Variants in TFAP2D observed in about 807,000 individuals in gnomAD.
TFAP2D encodes transcription factor AP-2-delta.
Under a neutral mutation model 43.6 loss-of-function variants are expected in TFAP2D, and 9 were observed. The ratio of observed to expected loss-of-function variants is 0.21; its 90% CI spans 0.12 to 0.36. TFAP2D has a LOEUF of 0.36. TFAP2D is among the 10% of genes least tolerant of loss of function. The pLI, the probability that TFAP2D is intolerant of heterozygous loss-of-function variation, is 1.00. For synonymous variants in TFAP2D, 256 were observed against 224.9 expected (o/e 1.14, Z -1.24); for missense variants, 513 against 561.4 (o/e 0.91, Z 0.87).
chr6:50,743,462 G>C (rs1250710989), intron 5 of TFAP2D, among the ~76,000 whole-genome samples: 1 of 151,962 alleles, frequency 6.6e-6, no homozygotes, highest in Non-Finnish European at 1.5e-5. Flanking sequence ...GCTCACTACA[G>C]TCTCAACTTC....
At chr6:50,764,833 A>G (rs1769419978) in intron 7 of TFAP2D, among the ~76,000 whole-genome samples, 1 of 152,206 alleles carries the variant, frequency 6.6e-6, no homozygotes, top group African/African-American at 2.4e-5. Flanking sequence ...GATGCAGGAT[A>G]TGATGATTTG....
At chr6:50,734,901 A>G (rs969917706) in intron 5 of TFAP2D, among the ~76,000 whole-genome samples, 2 of 152,132 alleles carry the variant, frequency 1.3e-5, no homozygotes, top group African/African-American at 4.8e-5. Context: ...CATTTGCACA[A>G]TAGGCCCCTC....
At chr6:50,759,344 G>A (rs1033813554) in intron 7 of TFAP2D, among the ~76,000 whole-genome samples, 2 of 151,990 alleles carry the variant, frequency 1.3e-5, no homozygotes, top group African/African-American at 4.8e-5. Flanking sequence ...CATTGCACCC[G>A]TGTGACCTCT....
intron 7 of TFAP2D, among the ~76,000 whole-genome samples, chr6:50,769,945 A>G (rs1769501255): frequency 6.6e-6 from 1 of 152,228 alleles, no homozygotes; most frequent in Non-Finnish European, 1.5e-5. Flanking sequence ...ATTAACTTCA[A>G]TAATACCCTG....
intron 3 of TFAP2D, among the ~76,000 whole-genome samples, chr6:50,719,887 G>C (rs1310437202): frequency 6.6e-6 from 1 of 152,186 alleles, no homozygotes; most frequent in Non-Finnish European, 1.5e-5. Flanking sequence ...GTTGCTTTCA[G>C]CTCGGGCACT....
At chr6:50,750,459 A>G (rs1769185513) in intron 6 of TFAP2D, among the ~76,000 whole-genome samples, 1 of 152,016 alleles carries the variant, frequency 6.6e-6, no homozygotes, top group Admixed American at 6.6e-5. Context: ...AAAAACAAAA[A>G]CAATATCTCT....
chr6:50,735,399 G>C (rs777544394), intron 5 of TFAP2D, among the ~76,000 whole-genome samples: 1 of 152,112 alleles, frequency 6.6e-6, no homozygotes, highest in South Asian at 2.1e-4. Flanking sequence ...ACGTTAGATT[G>C]GTCCTCCCCT....
chr6:50,759,102 C>T (rs1420851429), intron 7 of TFAP2D, among the ~76,000 whole-genome samples: 1 of 152,012 alleles, frequency 6.6e-6, no homozygotes, highest in Non-Finnish European at 1.5e-5. Context: ...AAGTTGCAAA[C>T]ATGACCCTGT....
chr6:50,752,932 G>C (rs557057859), intron 7 of TFAP2D, among the ~76,000 whole-genome samples: 9 of 151,748 alleles, frequency 5.9e-5, no homozygotes, highest in Non-Finnish European at 8.8e-5. Context: ...AATGGGATAA[G>C]AGCCCCTTCA....
At chr6:50,732,744 T>C (rs1225243565) in intron 5 of TFAP2D, among the ~76,000 whole-genome samples, 1 of 152,066 alleles carries the variant, frequency 6.6e-6, no homozygotes, top group Non-Finnish European at 1.5e-5. Context: ...ATGATGGGGA[T>C]TCAAATTAGC....
chr6:50,715,471 G>A lies in TFAP2D; in HGVS notation c.395G>A (p.Arg132Gln). 1 of 1,613,960 alleles carries A rather than the reference G, an allele frequency of 6.2e-7. No homozygotes were observed. The highest frequency in any genetic ancestry group is 8.5e-7 in the Non-Finnish European group (1 of 1,180,028). ...TCGTCCTGCCTGGACGAGCAGAGGCGGGAGCTGGGCTGCCTCGATGCCTAC... is the reference window on the plus strand; with the variant it reads ...TCGTCCTGCCTGGACGAGCAGAGGCAGGAGCTGGGCTGCCTCGATGCCTAC... ...LKSSCLDEQR[R>Q]ELGCLDAYRR... Residue 132 changes from arginine (R) to glutamine (Q), a missense_variant, in exon 2 of 8, where the codon CGG (arginine) becomes CAG (glutamine). This residue lies in a region of TFAP2D where 311 missense variants were observed against 316.2 expected (regional missense o/e 0.98). Coordinates refer to ENST00000008391, the MANE Select transcript of TFAP2D (RefSeq NM_172238.4).
chr6:50,716,135 A>C (rs1179172156), intron 2 of TFAP2D, among the ~76,000 whole-genome samples: 1 of 152,090 alleles, frequency 6.6e-6, no homozygotes, highest in African/African-American at 2.4e-5. Flanking sequence ...GTTCTAAGGA[A>C]ATTGTTGGGA....
chr6:50,766,600 G>C (rs1328252528), intron 7 of TFAP2D, among the ~76,000 whole-genome samples: 1 of 139,332 alleles, frequency 7.2e-6, no homozygotes, highest in Admixed American at 7.3e-5. Flanking sequence ...TTATTCCTAA[G>C]TATTTTATTC....
chr6:50,752,691 A>C (rs1369651486), intron 7 of TFAP2D, among the ~76,000 whole-genome samples: 5 of 151,890 alleles, frequency 3.3e-5, no homozygotes, highest in African/African-American at 1.2e-4. Flanking sequence ...TCTTCCAAAA[A>C]TGCACAAAAT....
At chr6:50,716,644 C>T (rs1035430169) in intron 2 of TFAP2D, among the ~76,000 whole-genome samples, 3 of 152,190 alleles carry the variant, frequency 2.0e-5, no homozygotes, top group Non-Finnish European at 4.4e-5. Context: ...ATATTTCAAA[C>T]AAATGAGCCC....
chr6:50,732,312 C>T (rs1347943575), intron 5 of TFAP2D, among the ~76,000 whole-genome samples: 2 of 151,960 alleles, frequency 1.3e-5, no homozygotes, highest in African/African-American at 4.8e-5. Context: ...ATTTTAATTA[C>T]CAACAGTTAG....
At chr6:50,747,305 A>T (rs1166931798) in intron 6 of TFAP2D, among the ~76,000 whole-genome samples, 1 of 152,172 alleles carries the variant, frequency 6.6e-6, no homozygotes, top group East Asian at 1.9e-4. Flanking sequence ...CTTGTTACAG[A>T]TCAAGAGAAT....
At chr6:50,742,994 C>CACACACACACACACACACAT (rs957070816) in intron 5 of TFAP2D, among the ~76,000 whole-genome samples, 3 of 147,446 alleles carry the variant, frequency 2.0e-5, no homozygotes, top group Non-Finnish European at 3.0e-5. Flanking sequence ...CACACACACA[C>CACACACACACACACACACAT]ATCTTTGTGC....
rs748437540 is a variant in TFAP2D at position 50,713,870 on chromosome 6, G to A, written c.-186G>A. 2.4e-6 allele frequency: 2 copies of A among 832,304 alleles called. No homozygotes were observed. Among genetic ancestry groups the A allele is most frequent in the Non-Finnish European group, 3.7e-6 (2 of 539,810 alleles). The allele number at this position is 832,304 out of a possible 1,614,324, so 51.6% of individuals were successfully genotyped here. ...CAGAGGGAAAATTTTGTTCCTACAG[G>A]TTTTTAAGTGGGTACGAGGCAAGGA... is the stretch of plus-strand genomic sequence containing the variant. On this transcript the variant is annotated 5_prime_UTR_variant, in exon 1 of 8. Transcript: ENST00000008391.
Sources: gnomAD v4.1 joint callset for allele counts (sites outside exome capture counted in the v4.1 genomes callset) on GRCh38, gnomAD v4.1.1 for gene constraint, gnomAD v4.1.1 regional missense constraint, MANE v1.5 for transcripts, NCBI Gene and HGNC (gene_info 2026-07-23, HGNC 2026-07-21) for gene names.